NAALADL2: variants seen among roughly 807,000 people sequenced by gnomAD.
NAALADL2 encodes the protein N-acetylated alpha-linked acidic dipeptidase like 2, also known as inactive N-acetylated-alpha-linked acidic dipeptidase-like protein 2.
Under a neutral mutation model 87.2 loss-of-function variants are expected in NAALADL2, and 76 were observed. That is an observed-to-expected ratio of 0.87 (90% CI 0.72 to 1.05). The LOEUF is 1.05. Among genes scored for constraint, NAALADL2 ranks in the 50% least tolerant of loss-of-function variants. The probability of loss-of-function intolerance (pLI) is 0.00; values close to 1 mark genes in which losing one functional copy is unlikely to be tolerated. For missense variants in NAALADL2, 1,089 were observed against 945.8 expected (o/e 1.15, Z -1.99); for synonymous variants, 354 against 331.0 (o/e 1.07, Z -0.75).
chr3:174,547,757 A>G (rs1711563733), intron 1 of NAALADL2, among the ~76,000 whole-genome samples: 1 of 152,164 alleles, frequency 6.6e-6, no homozygotes, highest in Non-Finnish European at 1.5e-5. Context: ...ACATTGGGAC[A>G]TAGTTTGGTG....
chr3:175,194,712 G>C (rs903129893), intron 2 of NAALADL2, among the ~76,000 whole-genome samples: 1 of 151,728 alleles, frequency 6.6e-6, no homozygotes, highest in Admixed American at 6.6e-5. Context: ...GGCTCAGTTG[G>C]TGTGTATTCA....
At chr3:175,463,275 G>A (rs1021554168) in intron 6 of NAALADL2, 126 bp from the exon 7 acceptor site, 18 of 586,966 alleles carry the variant, frequency 3.1e-5, no homozygotes, top group Non-Finnish European at 3.8e-5. Flanking sequence ...AGTATAACTG[G>A]CTATCTGAGA....
intron 2 of NAALADL2, among the ~76,000 whole-genome samples, chr3:174,730,682 T>G (rs1732623520): frequency 6.6e-6 from 1 of 152,080 alleles, no homozygotes; most frequent in Non-Finnish European, 1.5e-5. Flanking sequence ...ATTGACATAT[T>G]TTTTTAACCT....
intron 1 of NAALADL2, among the ~76,000 whole-genome samples, chr3:174,548,501 A>G (rs1711664417): frequency 6.6e-6 from 1 of 152,212 alleles, no homozygotes; most frequent in African/African-American, 2.4e-5. Context: ...TTTCTAAAGT[A>G]TGTATTACTT....
chr3:175,041,426 G>C (rs561539533), intron 1 of NAALADL2, among the ~76,000 whole-genome samples: 29 of 152,188 alleles, frequency 1.9e-4, no homozygotes, highest in Admixed American at 9.8e-4. Context: ...TTTCTAAGTG[G>C]TTATAAACTA....
At chr3:174,788,567 C>T (rs1560226847) in intron 3 of NAALADL2, among the ~76,000 whole-genome samples, 1 of 152,078 alleles carries the variant, frequency 6.6e-6, no homozygotes, top group Non-Finnish European at 1.5e-5. Flanking sequence ...TGTAAGAACA[C>T]CAGTAACCAG....
chr3:174,861,227 T>TC (rs1226660871), intron 1 of NAALADL2, among the ~76,000 whole-genome samples: 1 of 152,092 alleles, frequency 6.6e-6, no homozygotes, highest in Non-Finnish European at 1.5e-5. Flanking sequence ...TTGAAGTGCT[T>TC]CCCTACCAGT....
chr3:175,009,894 TATA>T (rs1375511016), intron 1 of NAALADL2, among the ~76,000 whole-genome samples: 23 of 152,118 alleles, frequency 1.5e-4, no homozygotes, highest in Admixed American at 1.4e-3. Flanking sequence ...AATATATTTA[TATA>T]ATATTATGTA....
chr3:175,145,989 C>A (rs1580686721), intron 2 of NAALADL2, among the ~76,000 whole-genome samples: 1 of 152,120 alleles, frequency 6.6e-6, no homozygotes, highest in Middle Eastern at 3.4e-3. Flanking sequence ...TTGTAGCACA[C>A]AAATTAGATT....
intron 2 of NAALADL2, among the ~76,000 whole-genome samples, chr3:175,160,296 A>G (rs933234542): frequency 6.7e-6 from 1 of 148,880 alleles, no homozygotes; most frequent in African/African-American, 2.5e-5. Context: ...AAATATAGCA[A>G]TTGTTTACAA....
At chr3:174,465,878 G>A (rs1043228866) in intron 1 of NAALADL2, among the ~76,000 whole-genome samples, 1 of 151,750 alleles carries the variant, frequency 6.6e-6, no homozygotes, top group Non-Finnish European at 1.5e-5. Flanking sequence ...CCAGTTTTCA[G>A]TGTGTTTCTG....
chr3:175,462,242 T>G (rs1430579709), intron 6 of NAALADL2, among the ~76,000 whole-genome samples: 1 of 152,092 alleles, frequency 6.6e-6, no homozygotes, highest in Non-Finnish European at 1.5e-5. Flanking sequence ...TAAAATGCTC[T>G]AAGAAACAAA....
At chr3:174,957,296 A>C (rs527584378) in intron 1 of NAALADL2, among the ~76,000 whole-genome samples, 3 of 152,122 alleles carry the variant, frequency 2.0e-5, no homozygotes, top group Admixed American at 6.6e-5. Flanking sequence ...ACAATGAGTC[A>C]GAAGGAAGAA....
At chr3:174,627,820 A>C (rs1721725761) in intron 2 of NAALADL2, among the ~76,000 whole-genome samples, 1 of 152,222 alleles carries the variant, frequency 6.6e-6, no homozygotes, top group Admixed American at 6.5e-5. Flanking sequence ...GGCCATTGTC[A>C]TAAGTGCAAT....
intron 11 of NAALADL2, among the ~76,000 whole-genome samples, chr3:175,714,261 G>A (rs1740933944): frequency 6.6e-6 from 1 of 152,104 alleles, no homozygotes; most frequent in Non-Finnish European, 1.5e-5. Context: ...TGGGATTGCT[G>A]GGTCAAATGG....
intron 2 of NAALADL2, among the ~76,000 whole-genome samples, chr3:175,190,604 C>T (rs1738005291): frequency 6.6e-6 from 1 of 152,008 alleles, no homozygotes; most frequent in Non-Finnish European, 1.5e-5. Flanking sequence ...ATGGTGCGGT[C>T]ATTATGGAAA....
At chr3:175,761,847 G>A (rs146250248) in intron 13 of NAALADL2, among the ~76,000 whole-genome samples, 1 of 151,796 alleles carries the variant, frequency 6.6e-6, no homozygotes, top group Admixed American at 6.6e-5. Context: ...AAAATTGAGG[G>A]TTTTTTTCTT....
intron 1 of NAALADL2, among the ~76,000 whole-genome samples, chr3:175,003,114 T>C (rs556511301): frequency 2.0e-5 from 3 of 152,354 alleles, no homozygotes; most frequent in South Asian, 2.1e-4. Flanking sequence ...GACACTTTTC[T>C]GCTCATCCTC....
At chr3:175,658,018 T>C (rs1275028284) in intron 11 of NAALADL2, among the ~76,000 whole-genome samples, 1 of 152,034 alleles carries the variant, frequency 6.6e-6, no homozygotes, top group Non-Finnish European at 1.5e-5. Context: ...TATACATATG[T>C]ATGCATACAC....
Sources: gnomAD v4.1 joint callset for allele counts (sites outside exome capture counted in the v4.1 genomes callset) on GRCh38, gnomAD v4.1.1 for gene constraint, MANE v1.5 for transcripts, NCBI Gene and HGNC (gene_info 2026-07-23, HGNC 2026-07-21) for gene names.